PLCB1: variants seen among roughly 807,000 people sequenced by gnomAD.
The protein encoded by PLCB1 is phospholipase C beta 1.
Under a neutral mutation model 161.8 loss-of-function variants are expected in PLCB1, and 46 were observed. The ratio of observed to expected loss-of-function variants is 0.28; its 90% confidence interval spans 0.22 to 0.36. The LOEUF (loss-of-function observed/expected upper bound fraction) is 0.36. Ranked by LOEUF, PLCB1 falls within the 10% of genes least tolerant of loss-of-function variation. The probability of loss-of-function intolerance (pLI) is 1.00; values close to 1 mark genes in which losing one functional copy is unlikely to be tolerated. For missense variants in PLCB1, 1,016 were observed against 1,472.5 expected, an observed-to-expected ratio of 0.69 and a Z score of 5.07; for synonymous variants, 517 against 503.7, an observed-to-expected ratio of 1.03 and a Z score of -0.35.
At chr20:8,721,149 CT>C (rs1275970965) in intron 14 of PLCB1, among the ~76,000 whole-genome samples, 1 of 152,162 alleles carries the variant, frequency 6.6e-6, no homozygotes, top group African/African-American at 2.4e-5. Context: ...AGTAATTGAA[CT>C]GTGTCAGCCA....
At chr20:8,422,783 C>A (rs1034743931) in intron 3 of PLCB1, among the ~76,000 whole-genome samples, 1 of 152,090 alleles carries the variant, frequency 6.6e-6, no homozygotes, top group African/African-American at 2.4e-5. Flanking sequence ...GTCAGCGTTA[C>A]CAGCAATCCA....
intron 1 of PLCB1, among the ~76,000 whole-genome samples, chr20:8,139,081 GTTTTTTTTT>G (rs71329695): frequency 2.2e-5 from 2 of 91,628 alleles, no homozygotes; most frequent in Admixed American, 1.7e-4. Context: ...TATTTCAAGG[GTTTTTTTTT>G]TTTTTTTTTT....
At chr20:8,750,682 C>G in intron 23 of PLCB1, 1 of 390,660 alleles carries the variant, frequency 2.6e-6, no homozygotes, top group Non-Finnish European at 5.0e-6. Flanking sequence ...GATACATTAT[C>G]TAATTTCATT....
intron 7 of PLCB1, chr20:8,652,559 G>A (rs774750733): frequency 6.6e-6 from 1 of 151,978 alleles, no homozygotes; most frequent in Non-Finnish European, 1.5e-5. Flanking sequence ...ATTCACAAGA[G>A]GTATTTTAAA....
In PLCB1 at chr20:8,716,330, G is replaced by A. The variant is rs746127346; in HGVS notation, c.1317G>A (p.Glu439=). The change falls in exon 13 of 32, where the codon GAG becomes GAA. Residue 439 remains glutamate, a synonymous_variant. Coordinates refer to ENST00000338037, the MANE Select transcript of PLCB1 (RefSeq NM_015192.4). ...RLIFGDALLM[E]PLEKYPLESG... ...TCTTTGGGGATGCCCTTCTCATGGA[G>A]CCCCTGGAAAAATATCCAGTAAGCA... 1 of 1,613,546 alleles carries A rather than the reference G, an allele frequency of 6.2e-7. No homozygotes were observed. Among genetic ancestry groups the A allele is most frequent in the South Asian group, 1.1e-5 (1 of 91,054 alleles).
intron 2 of PLCB1, among the ~76,000 whole-genome samples, chr20:8,201,740 G>A (rs2052093285): frequency 6.6e-6 from 1 of 152,110 alleles, no homozygotes; most frequent in Non-Finnish European, 1.5e-5. Context: ...AATGTGAAAA[G>A]CAATGCTTCA....
chr20:8,191,234 T>C (rs1033723673), intron 2 of PLCB1, among the ~76,000 whole-genome samples: 2 of 152,030 alleles, frequency 1.3e-5, no homozygotes, highest in African/African-American at 2.4e-5. Flanking sequence ...AATGATCACA[T>C]CATGGAGAAC....
intron 7 of PLCB1, chr20:8,651,555 G>A: frequency 2.8e-6 from 2 of 713,606 alleles, no homozygotes; most frequent in East Asian, 5.4e-5. Context: ...TTTGGAATAG[G>A]AAAAATATAA....
intron 31 of PLCB1, among the ~76,000 whole-genome samples, chr20:8,801,690 C>T (rs1367527725): frequency 6.6e-6 from 1 of 152,232 alleles, no homozygotes; most frequent in Non-Finnish European, 1.5e-5. Context: ...ACTCCTTGGA[C>T]TGTGTTGTTC....
chr20:8,254,405 C>G (rs956844604), intron 2 of PLCB1, among the ~76,000 whole-genome samples: 3 of 151,848 alleles, frequency 2.0e-5, no homozygotes, highest in Non-Finnish European at 2.9e-5. Flanking sequence ...CTAGAAGTAT[C>G]CAAACTAGGA....
intron 2 of PLCB1, among the ~76,000 whole-genome samples, chr20:8,213,586 A>G (rs185871198): frequency 1.3e-3 from 200 of 152,210 alleles, no homozygotes; most frequent in African/African-American, 4.6e-3. Context: ...AGGGGTCAGA[A>G]TAAAGCTTGC....
intron 2 of PLCB1, among the ~76,000 whole-genome samples, chr20:8,370,899 T>C (rs1986882153): frequency 2.0e-5 from 3 of 152,184 alleles, no homozygotes. Flanking sequence ...GATCAGGGCA[T>C]GAGGTATGTG....
chr20:8,316,280 G>A (rs1400462424), intron 2 of PLCB1, among the ~76,000 whole-genome samples: 1 of 152,150 alleles, frequency 6.6e-6, no homozygotes, highest in Non-Finnish European at 1.5e-5. Flanking sequence ...TATGCTCTTA[G>A]ACACATTTTT....
intron 3 of PLCB1, among the ~76,000 whole-genome samples, chr20:8,525,813 G>A (rs1984564728): frequency 6.6e-6 from 1 of 150,798 alleles, no homozygotes; most frequent in Non-Finnish European, 1.5e-5. Flanking sequence ...GCTAGAGGAT[G>A]ATGATGAGTA....
intron 2 of PLCB1, among the ~76,000 whole-genome samples, chr20:8,230,786 A>G (rs1026276763): frequency 1.7e-4 from 26 of 151,992 alleles, no homozygotes; most frequent in African/African-American, 6.3e-4. Context: ...TAGATACAGA[A>G]CATTTTCTTA....
intron 2 of PLCB1, among the ~76,000 whole-genome samples, chr20:8,203,707 GC>G (rs2123131100): frequency 6.6e-6 from 1 of 152,258 alleles, no homozygotes; most frequent in East Asian, 1.9e-4. Context: ...TAAGTGAGAT[GC>G]AGGGAGAAAA....
At chr20:8,427,384 T>G (rs980633080) in intron 3 of PLCB1, among the ~76,000 whole-genome samples, 3 of 152,178 alleles carry the variant, frequency 2.0e-5, no homozygotes, top group Non-Finnish European at 4.4e-5. Flanking sequence ...ATTCTGATTC[T>G]CTAATTACAA....
chr20:8,733,646 G>T (rs1272242481), intron 19 of PLCB1, among the ~76,000 whole-genome samples: 1 of 148,170 alleles, frequency 6.7e-6, no homozygotes, highest in African/African-American at 2.6e-5. Flanking sequence ...TTGTGGGGTG[G>T]GGGGAGCGGG....
chr20:8,309,625 C>G (rs1234303195), intron 2 of PLCB1, among the ~76,000 whole-genome samples: 1 of 152,166 alleles, frequency 6.6e-6, no homozygotes, highest in Non-Finnish European at 1.5e-5. Context: ...TCTCCTAGTT[C>G]AGAATCAAAG....
Sources: allele counts gnomAD v4.1 joint callset (sites outside exome capture counted in the v4.1 genomes callset), GRCh38; gene constraint gnomAD v4.1.1; transcripts MANE v1.5; gene names NCBI Gene and HGNC (gene_info 2026-07-23, HGNC 2026-07-21).